The following MCTP1 variants were observed in gnomAD, a reference collection of about 807,000 sequenced individuals.
MCTP1 encodes multiple C2 and transmembrane domain-containing protein 1.
Under a neutral mutation model 120.6 loss-of-function variants are expected in MCTP1, and 69 were observed. That is an observed-to-expected ratio of 0.57 (90% CI 0.47 to 0.70). MCTP1 has a LOEUF of 0.70. Among genes scored for constraint, MCTP1 ranks in the 30% least tolerant of loss-of-function variants. The pLI, the probability that MCTP1 is intolerant of heterozygous loss-of-function variation, is 0.00. For missense variants in MCTP1, 1,203 were observed against 1,248.8 expected (o/e 0.96, Z 0.55); for synonymous variants, 529 against 493.1 (o/e 1.07, Z -0.96).
chr5:95,189,742 A>G (rs1296071184), intron 1 of MCTP1, among the ~76,000 whole-genome samples: 4 of 152,144 alleles, frequency 2.6e-5, no homozygotes, highest in African/African-American at 9.7e-5. Flanking sequence ...TCCGTGAGAT[A>G]CTGTTAATGA....
At chr5:95,131,453 G>A (rs997829020) in intron 1 of MCTP1, among the ~76,000 whole-genome samples, 1 of 152,194 alleles carries the variant, frequency 6.6e-6, no homozygotes, top group Admixed American at 6.5e-5. Context: ...GATTGTGAGA[G>A]TTAATAATAT....
At chr5:95,143,054 A>G (rs1031692536) in intron 1 of MCTP1, among the ~76,000 whole-genome samples, 4 of 152,148 alleles carry the variant, frequency 2.6e-5, no homozygotes, top group African/African-American at 9.7e-5. Flanking sequence ...CAACAAGAAT[A>G]TGGGTTACTA....
intron 1 of MCTP1, among the ~76,000 whole-genome samples, chr5:95,168,712 C>T (rs569837401): frequency 2.0e-5 from 3 of 152,152 alleles, no homozygotes; most frequent in East Asian, 1.9e-4. Context: ...CTGTTATTGG[C>T]ATATAAGAAT....
Position 94,758,239 on chromosome 5 carries a change from GAATA to G in MCTP1, c.2610+20867_2610+20870del, listed in dbSNP as rs1403795553. Among the ~76,000 whole-genome samples, 69 of 152,280 alleles carry G rather than the reference GAATA, an allele frequency of 4.5e-4. 1 individual carries two copies. The highest frequency in any genetic ancestry group is 1.6e-3 in the African/African-American group (65 of 41,550). On this transcript the variant is annotated intron_variant, in intron 19 of 22. Coordinates refer to ENST00000515393, the MANE Select transcript of MCTP1 (RefSeq NM_024717.7). ...GAATATATGAACAAATGGATGAATT[GAATA>G]AATAATTCATATTTGATATGAGAAA...
At position 94,898,821 on chromosome 5, in the gene MCTP1, T is replaced by C. The variant is rs183228771; in HGVS notation, c.1653-3986A>G. Among the ~76,000 whole-genome samples, 240 of 152,354 alleles carry C rather than the reference T, an allele frequency of 1.6e-3. 1 individual carries two copies. Among genetic ancestry groups the C allele is most frequent in the African/African-American group, 5.1e-3 (212 of 41,592 alleles). ...GTTCTAGACCTCAGTCTTACATTAA[T>C]TAGTCATGTGACCTCTTTCAAGATA... is the stretch of plus-strand genomic sequence containing the variant. On this transcript the variant is annotated intron_variant, in intron 10 of 22. Coordinates refer to ENST00000515393, the MANE Select transcript of MCTP1 (RefSeq NM_024717.7).
At chr5:95,197,211 A>C (rs1008517426) in intron 1 of MCTP1, among the ~76,000 whole-genome samples, 45 of 152,198 alleles carry the variant, frequency 3.0e-4, no homozygotes, top group African/African-American at 9.4e-4. Flanking sequence ...CTGAGCAAAA[A>C]CAAGTTATTT....
At chr5:94,988,485 G>A (rs1290015645) in intron 2 of MCTP1, among the ~76,000 whole-genome samples, 2 of 151,548 alleles carry the variant, frequency 1.3e-5, no homozygotes, top group African/African-American at 2.4e-5. Context: ...AAATGCTAAT[G>A]TTTCAGTGAA....
At chr5:94,941,171 T>C (rs1817622191) in intron 4 of MCTP1, among the ~76,000 whole-genome samples, 1 of 152,054 alleles carries the variant, frequency 6.6e-6, no homozygotes, top group Non-Finnish European at 1.5e-5. Flanking sequence ...TCTAGTCACT[T>C]GATATCCTTA....
At chr5:95,066,230 TCAA>T (rs1389301714) in intron 1 of MCTP1, among the ~76,000 whole-genome samples, 1 of 152,016 alleles carries the variant, frequency 6.6e-6, no homozygotes, top group African/African-American at 2.4e-5. Flanking sequence ...ATAGAAATGA[TCAA>T]CAAGTATATG....
Position 94,891,847 on chromosome 5 carries a change from G to C in MCTP1, c.1839+2802C>G, listed in dbSNP as rs111728155. The stretch of plus-strand genomic sequence containing the variant: ...ATTCATCAAGAGGTATTCCTGCCTT[G>C]CTATTTACGGTTATTTTAGAAGGCC... On this transcript the variant is annotated intron_variant, in intron 11 of 22. Transcript: ENST00000515393. Among the ~76,000 whole-genome samples, 457 of 152,192 alleles carry C rather than the reference G, an allele frequency of 3.0e-3. 4 individuals are homozygous for C. Among genetic ancestry groups the C allele is most frequent in the Middle Eastern group, 0.01 (3 of 294 alleles).
chr5:95,011,243 G>A lies in MCTP1; in HGVS notation c.838+6124C>T, dbSNP rs565151970. 2.6e-5 allele frequency among the ~76,000 whole-genome samples: 4 copies of A among 152,110 alleles called. No individual in the cohort carries two copies. The South Asian group carries it at 8.3e-4, about 32-fold the overall frequency. ...TTTTAGCATCTATTGATGATATTTT[G>A]CCTACTATTGTTACTGGGGTGTTTG... On this transcript the variant is annotated intron_variant, in intron 2 of 22. Coordinates refer to ENST00000515393, the MANE Select transcript of MCTP1 (RefSeq NM_024717.7).
intron 1 of MCTP1, among the ~76,000 whole-genome samples, chr5:95,160,750 C>T (rs1315149636): frequency 6.6e-6 from 1 of 151,736 alleles, no homozygotes; most frequent in Admixed American, 6.6e-5. Context: ...TCAAATAACT[C>T]AATAGCAAGA....
intron 10 of MCTP1, among the ~76,000 whole-genome samples, chr5:94,907,761 T>C (rs1372370529): frequency 4.0e-5 from 6 of 150,094 alleles, no homozygotes; most frequent in African/African-American, 1.5e-4. Flanking sequence ...AGGAAAAAAA[T>C]ATAAAAGAAC....
chr5:94,954,922 A>G (rs1822169978), intron 2 of MCTP1, among the ~76,000 whole-genome samples: 1 of 152,130 alleles, frequency 6.6e-6, no homozygotes, highest in South Asian at 2.1e-4. Flanking sequence ...ATCCCTTGAC[A>G]CCTCCTAAAC....
At chr5:94,737,966 A>C (rs745542575) in intron 19 of MCTP1, among the ~76,000 whole-genome samples, 1 of 152,226 alleles carries the variant, frequency 6.6e-6, no homozygotes, top group Non-Finnish European at 1.5e-5. Flanking sequence ...GGCGTGAGCC[A>C]CCGCACCCGG....
intron 1 of MCTP1, among the ~76,000 whole-genome samples, chr5:95,220,903 T>C (rs1266272614): frequency 6.6e-6 from 1 of 152,166 alleles, no homozygotes; most frequent in Non-Finnish European, 1.5e-5. Context: ...GAAAAGGCAG[T>C]AAATAGCAAG....
At chr5:94,954,127 TATATATATGCATATATATAC>T (rs1243226354) in intron 2 of MCTP1, among the ~76,000 whole-genome samples, 3 of 60,964 alleles carry the variant, frequency 4.9e-5, no homozygotes, top group African/African-American at 1.8e-4. Flanking sequence ...TATATACAAA[TATATATATGCATATATATAC>T]ATATATATAT....
intron 1 of MCTP1, among the ~76,000 whole-genome samples, chr5:95,039,111 G>T (rs1841873732): frequency 6.6e-6 from 1 of 151,992 alleles, no homozygotes; most frequent in African/African-American, 2.4e-5. Context: ...AGATTAAACA[G>T]AATAATACAT....
chr5:95,236,865 C>T (rs1755597934), intron 1 of MCTP1, among the ~76,000 whole-genome samples: 3 of 152,158 alleles, frequency 2.0e-5, no homozygotes, highest in Admixed American at 6.5e-5. Flanking sequence ...TGAAGAGTGC[C>T]TCCGTCCTTG....
Sources: allele counts gnomAD v4.1 joint callset (sites outside exome capture counted in the v4.1 genomes callset), GRCh38; gene constraint gnomAD v4.1.1; transcripts MANE v1.5; gene names NCBI Gene and HGNC (gene_info 2026-07-23, HGNC 2026-07-21).